The following TRHDE variants were observed in gnomAD, a reference collection of about 807,000 sequenced individuals.
The protein encoded by TRHDE is thyrotropin releasing hormone degrading enzyme, also known as thyrotropin-releasing hormone-degrading ectoenzyme.
A neutral mutation model predicts 125.7 loss-of-function variants in TRHDE; 72 were observed. The observed-to-expected ratio is 0.57, with a 90% CI of 0.47 to 0.70. The LOEUF is 0.70. TRHDE is among the 30% of genes least tolerant of loss of function. The probability of loss-of-function intolerance (pLI) is 0.00; values close to 1 mark genes in which losing one functional copy is unlikely to be tolerated. For synonymous variants in TRHDE, 509 were observed against 509.1 expected, an observed-to-expected ratio of 1.00 and a Z score of 0.00; for missense variants, 1,110 against 1,327.1, an observed-to-expected ratio of 0.84 and a Z score of 2.54.
chr12:72,587,279 T>C (rs1871479092), intron 12 of TRHDE, among the ~76,000 whole-genome samples: 1 of 152,164 alleles, frequency 6.6e-6, no homozygotes. Context: ...GTTTTTGAAT[T>C]CTGTTGAATT....
intron 1 of TRHDE, among the ~76,000 whole-genome samples, chr12:72,102,938 A>G (rs889432516): frequency 1.3e-5 from 2 of 152,238 alleles, no homozygotes; most frequent in South Asian, 2.1e-4. Flanking sequence ...CCCGTATCCA[A>G]TGGCTTAACT....
At chr12:72,467,794 G>A (rs895255361) in intron 3 of TRHDE, among the ~76,000 whole-genome samples, 12 of 152,298 alleles carry the variant, frequency 7.9e-5, no homozygotes, top group African/African-American at 2.6e-4. Flanking sequence ...TGGCCTGGGC[G>A]ACAGAGCGAG....
chr12:72,618,885 CTG>C lies in TRHDE; in HGVS notation c.2322-4_2322-3del. On this transcript the variant is annotated splice_polypyrimidine_tract_variant and splice_region_variant and intron_variant, in intron 12 of 18. Transcript: ENST00000261180. ...ATCATGTATCTTTTTTTTTTTTTAACTGTAGGGCTGGCTATTTGCCTCAGAAT... is the reference window on the plus strand; with the variant it reads ...ATCATGTATCTTTTTTTTTTTTTAACTAGGGCTGGCTATTTGCCTCAGAAT... 3 of 1,464,842 alleles carry C rather than the reference CTG, an allele frequency of 2.0e-6. No homozygotes were observed. The highest frequency in any genetic ancestry group is 2.7e-6 in the Non-Finnish European group (3 of 1,104,982). The allele number at this position is 1,464,842 out of a possible 1,614,324, so 90.7% of individuals were successfully genotyped here.
At chr12:72,598,256 C>T (rs953838506) in intron 12 of TRHDE, among the ~76,000 whole-genome samples, 7 of 152,124 alleles carry the variant, frequency 4.6e-5, no homozygotes, top group Admixed American at 2.6e-4. Context: ...CCTAACTTTA[C>T]AGCTAAGTTT....
chr12:72,226,740 A>G (rs766198185), intron 2 of TRHDE, among the ~76,000 whole-genome samples: 1 of 152,196 alleles, frequency 6.6e-6, no homozygotes, highest in African/African-American at 2.4e-5. Context: ...TGGAGTTGGC[A>G]TAAAGTATTT....
intron 3 of TRHDE, among the ~76,000 whole-genome samples, chr12:72,379,389 C>T (rs1872043767): frequency 6.6e-6 from 1 of 152,086 alleles, no homozygotes; most frequent in South Asian, 2.1e-4. Flanking sequence ...CTCTTTTCTC[C>T]CTGTATTTCA....
intron 3 of TRHDE, among the ~76,000 whole-genome samples, chr12:72,387,699 G>T (rs971567190): frequency 6.6e-6 from 1 of 152,094 alleles, no homozygotes; most frequent in African/African-American, 2.4e-5. Flanking sequence ...GACCCAGTGG[G>T]AGATGATTGA....
chr12:72,103,198 A>T (rs1875108038), intron 1 of TRHDE, among the ~76,000 whole-genome samples: 1 of 152,250 alleles, frequency 6.6e-6, no homozygotes, highest in South Asian at 2.1e-4. Context: ...AGTTAGGATA[A>T]AAGTGTCTTG....
rs934852289 is a variant in TRHDE at position 72,604,570 on chromosome 12, A to G, written c.2322-14321A>G. Among the ~76,000 whole-genome samples the G allele has an allele frequency of 2.0e-5, 3 of 152,052 alleles. No individual in the cohort carries two copies. The South Asian group carries it at 6.2e-4, about 31-fold the overall frequency. Reference sequence around the variant, plus strand: ...GTTCTCTTACTGAAGAGAAATTTCTAATTCTTTCAATATTGTTGAACTATA... The same window carrying G: ...GTTCTCTTACTGAAGAGAAATTTCTGATTCTTTCAATATTGTTGAACTATA... On this transcript the variant is annotated intron_variant, in intron 12 of 18. Transcript: ENST00000261180.
Position 72,653,044 on chromosome 12 carries a change from G to A in TRHDE, c.2872G>A (p.Val958Met), listed in dbSNP as rs1279613385. Reference sequence around the variant, plus strand: ...TCTAAATCTGTCACTGAATTCTGAGGTGGTGCTGGATCAAGATGCAATTGA... The same window carrying A: ...TCTAAATCTGTCACTGAATTCTGAGATGGTGCTGGATCAAGATGCAATTGA... ...RLLNLSLNSE[V>M]VLDQDAIDVI... The change falls in exon 17 of 19, where the codon GTG (valine) becomes ATG (methionine). Residue 958 changes from valine to methionine, a missense_variant. By Grantham distance (21) the Val-to-Met change is conservative. This residue lies in a region of TRHDE where 527 missense variants were observed against 651.8 expected (regional missense o/e 0.81). Coordinates refer to ENST00000261180, the MANE Select transcript of TRHDE (RefSeq NM_013381.3). 1 of 1,605,402 alleles carries A rather than the reference G, an allele frequency of 6.2e-7. No homozygotes were observed. Among genetic ancestry groups the A allele is most frequent in the Middle Eastern group, 1.7e-4 (1 of 6,016 alleles).
intron 6 of TRHDE, among the ~76,000 whole-genome samples, chr12:72,508,537 G>A (rs767433314): frequency 2.0e-5 from 3 of 152,164 alleles, no homozygotes; most frequent in East Asian, 3.9e-4. Context: ...TGGAATGGGA[G>A]TATTTACCCA....
intron 3 of TRHDE, among the ~76,000 whole-genome samples, chr12:72,464,683 G>T (rs1386897120): frequency 2.0e-5 from 3 of 152,066 alleles, no homozygotes; most frequent in Non-Finnish European, 2.9e-5. Flanking sequence ...GGAAAAACAT[G>T]GATATTCTGT....
chr12:72,237,771 C>G (rs1174584970), intron 2 of TRHDE, among the ~76,000 whole-genome samples: 1 of 152,144 alleles, frequency 6.6e-6, no homozygotes, highest in Admixed American at 6.5e-5. Context: ...TTATAAATTT[C>G]CCAGTCTCAG....
chr12:72,608,752 T>A (rs772555967), intron 12 of TRHDE, among the ~76,000 whole-genome samples: 2 of 152,196 alleles, frequency 1.3e-5, no homozygotes, highest in Non-Finnish European at 2.9e-5. Context: ...TTACTCTCAC[T>A]TCATATCCCC....
intron 15 of TRHDE, among the ~76,000 whole-genome samples, chr12:72,638,778 A>G (rs373097427): frequency 1.4e-4 from 21 of 152,044 alleles, no homozygotes; most frequent in Middle Eastern, 3.4e-3. Flanking sequence ...TAGTTTGGCT[A>G]GATATGAAAT....
chr12:72,283,715 A>G (rs1879777483), intron 1 of TRHDE, among the ~76,000 whole-genome samples: 1 of 152,092 alleles, frequency 6.6e-6, no homozygotes, highest in Admixed American at 6.6e-5. Context: ...TCCTTAGCCC[A>G]GAGGTATTTA....
At chr12:72,645,274 A>C (rs1874235559) in intron 15 of TRHDE, among the ~76,000 whole-genome samples, 1 of 152,206 alleles carries the variant, frequency 6.6e-6, no homozygotes, top group Admixed American at 6.5e-5. Flanking sequence ...TAAAACATTT[A>C]AAAGTACTAA....
chr12:72,420,412 A>G (rs973884077), intron 3 of TRHDE, among the ~76,000 whole-genome samples: 2 of 152,176 alleles, frequency 1.3e-5, no homozygotes, highest in Non-Finnish European at 2.9e-5. Context: ...TGGAAGGTGC[A>G]AACTATTTAC....
At chr12:72,437,353 C>T (rs1352494349) in intron 3 of TRHDE, among the ~76,000 whole-genome samples, 2 of 151,666 alleles carry the variant, frequency 1.3e-5, no homozygotes. Flanking sequence ...CTTCTGTCAC[C>T]CATTTCTCCG....
Sources: gnomAD v4.1 joint callset for allele counts (sites outside exome capture counted in the v4.1 genomes callset) on GRCh38, gnomAD v4.1.1 for gene constraint, gnomAD v4.1.1 regional missense constraint, MANE v1.5 for transcripts, NCBI Gene and HGNC (gene_info 2026-07-23, HGNC 2026-07-21) for gene names.